TENM3: variants seen among roughly 807,000 people sequenced by gnomAD.
The protein encoded by TENM3 is teneurin-3.
A neutral mutation model predicts 255.1 loss-of-function variants in TENM3; 63 were observed. That is an observed-to-expected ratio of 0.25 (90% CI 0.20 to 0.30). TENM3 has a LOEUF of 0.30. TENM3 is among the 10% of genes least tolerant of loss of function. The pLI is 1.00. For synonymous variants in TENM3, 1,306 were observed against 1,322.3 expected, an observed-to-expected ratio of 0.99 and a Z score of 0.27; for missense variants, 2,929 against 3,461.1, an observed-to-expected ratio of 0.85 and a Z score of 3.86.
intron 1 of TENM3, among the ~76,000 whole-genome samples, chr4:182,156,361 T>G (rs876836): frequency 0.28 from 43,140 of 151,906 alleles, 6,696 homozygotes; most frequent in Admixed American, 0.38. Flanking sequence ...TTGAATAATT[T>G]CGACTTTCAT....
the TENM3 span, among the ~76,000 whole-genome samples, chr4:181,620,090 A>G: frequency 1.3e-5 from 2 of 151,932 alleles, no homozygotes; most frequent in Non-Finnish European, 2.9e-5. Context: ...GGGAGACTCC[A>G]TCTCTACAAA....
At chr4:182,709,373 T>C (rs1236184075) in intron 12 of TENM3, among the ~76,000 whole-genome samples, 2 of 152,240 alleles carry the variant, frequency 1.3e-5, no homozygotes, top group East Asian at 3.8e-4. Flanking sequence ...TTTCAACTTC[T>C]TAGTAGATTG....
chr4:182,784,011 G>A (rs559146956), intron 24 of TENM3, among the ~76,000 whole-genome samples: 26 of 151,986 alleles, frequency 1.7e-4, no homozygotes, highest in Non-Finnish European at 2.9e-4. Flanking sequence ...ATGTCCTCCC[G>A]TAGCTCAGAG....
intron 1 of TENM3, among the ~76,000 whole-genome samples, chr4:182,175,829 C>T (rs887733366): frequency 1.3e-5 from 2 of 152,132 alleles, no homozygotes; most frequent in East Asian, 1.9e-4. Flanking sequence ...GTCGTGTGCA[C>T]GTGGGTGCAT....
At chr4:182,574,267 A>T (rs1056064989) in intron 3 of TENM3, among the ~76,000 whole-genome samples, 2 of 152,090 alleles carry the variant, frequency 1.3e-5, no homozygotes, top group Non-Finnish European at 2.9e-5. Flanking sequence ...TTCTACTCTT[A>T]TCAGAACTGC....
At chr4:182,102,172 G>T in the TENM3 span, among the ~76,000 whole-genome samples, 7 of 152,280 alleles carry the variant, frequency 4.6e-5, no homozygotes, top group African/African-American at 1.7e-4. Flanking sequence ...TAAGGGAATC[G>T]CTAGGGGGTG....
chr4:182,487,199 G>A (rs1030295311), intron 3 of TENM3, among the ~76,000 whole-genome samples: 1 of 152,146 alleles, frequency 6.6e-6, no homozygotes, highest in Admixed American at 6.5e-5. Flanking sequence ...TATGACTGCT[G>A]CAAACTAGTG....
rs771440069 is a variant in TENM3, at chr4:182,800,267, A to G, written c.8016A>G (p.Val2672=). 5.6e-6 allele frequency: 9 copies of G among 1,593,368 alleles called. No individual in the cohort carries two copies. The highest frequency in any genetic ancestry group is 7.6e-6 in the Non-Finnish European group (9 of 1,178,372). The change falls in exon 28 of 28, where the codon GTA becomes GTG. Residue 2672 remains valine, a synonymous_variant. Coordinates refer to ENST00000511685, the MANE Select transcript of TENM3 (RefSeq NM_001080477.4). ...TGCAGGGCTACGACGGGTACTACGT[A>G]CTCTCGGTGGAGCAGTACCCCGAGC... The part of the protein sequence containing the change: ...GKVQGYDGYY[V]LSVEQYPELA...
At chr4:181,882,288 G>A in the TENM3 span, among the ~76,000 whole-genome samples, 2 of 152,186 alleles carry the variant, frequency 1.3e-5, no homozygotes, top group Admixed American at 1.3e-4. Flanking sequence ...CTACATGGGA[G>A]CTGGGAATTC....
At chr4:182,361,518 C>T (rs1314039486) in intron 3 of TENM3, among the ~76,000 whole-genome samples, 1 of 152,190 alleles carries the variant, frequency 6.6e-6, no homozygotes, top group Non-Finnish European at 1.5e-5. Context: ...GCATCGGCTC[C>T]TGAGGCTTCT....
intron 1 of TENM3, among the ~76,000 whole-genome samples, chr4:182,248,681 C>G (rs1757804978): frequency 6.6e-6 from 1 of 152,084 alleles, no homozygotes; most frequent in Non-Finnish European, 1.5e-5. Context: ...ACAAAGGAGA[C>G]CACGATTTTC....
chr4:181,645,556 T>G, the TENM3 span, among the ~76,000 whole-genome samples: 1 of 152,182 alleles, frequency 6.6e-6, no homozygotes, highest in African/African-American at 2.4e-5. Flanking sequence ...TGGGTTACCC[T>G]TTACTATTGT....
intron 1 of TENM3, among the ~76,000 whole-genome samples, chr4:182,271,239 C>T (rs1312580370): frequency 6.6e-6 from 1 of 152,120 alleles, no homozygotes; most frequent in Non-Finnish European, 1.5e-5. Context: ...AGGACTTATT[C>T]TTCTTTCTTG....
chr4:182,632,665 C>T (rs1193490238), intron 5 of TENM3, among the ~76,000 whole-genome samples: 2 of 152,090 alleles, frequency 1.3e-5, no homozygotes, highest in Non-Finnish European at 2.9e-5. Context: ...ATGTTATGTA[C>T]TTCTCCAATT....
the TENM3 span, among the ~76,000 whole-genome samples, chr4:181,866,912 G>A: frequency 9.9e-5 from 15 of 151,874 alleles, no homozygotes; most frequent in African/African-American, 3.4e-4. Flanking sequence ...ACTGTCCCTC[G>A]GCGATCTCAT....
chr4:182,036,660 A>G, the TENM3 span, among the ~76,000 whole-genome samples: 1 of 152,364 alleles, frequency 6.6e-6, no homozygotes, highest in Middle Eastern at 3.4e-3. Context: ...ATCTAGTGTT[A>G]TCTCTGCAGC....
At chr4:182,694,530 A>C (rs533890240) in intron 12 of TENM3, among the ~76,000 whole-genome samples, 1 of 152,332 alleles carries the variant, frequency 6.6e-6, no homozygotes, top group East Asian at 1.9e-4. Context: ...ATTTTCATGT[A>C]CTTTTAGGCA....
At chr4:181,964,608 C>T in the TENM3 span, among the ~76,000 whole-genome samples, 1 of 151,118 alleles carries the variant, frequency 6.6e-6, no homozygotes, top group Admixed American at 6.6e-5. Context: ...AAAAAATAGC[C>T]ATTCTGATCT....
At position 182,679,859 on chromosome 4, in the gene TENM3, T is replaced by A; in HGVS notation, c.1520T>A (p.Phe507Tyr). 1.2e-6 allele frequency: 2 copies of A among 1,610,790 alleles called. No individual in the cohort carries two copies. Among genetic ancestry groups the A allele is most frequent in the Non-Finnish European group, 1.7e-6 (2 of 1,178,216 alleles). ...GGGAAAAATGCAGAGCAGGTGTCTT[T>A]TAATACCATTGTTATAGGTAAGAAT... Reference protein sequence around the residue: ...NDGKNAEQVSFNTIVIESVVE... With the variant: ...NDGKNAEQVSYNTIVIESVVE... The change falls in exon 8 of 28, where the codon TTT becomes TAT. Residue 507 changes from phenylalanine to tyrosine, a missense_variant. Physicochemically the swap from Phe to Tyr is conservative, Grantham distance 22. Around this residue, in one of 6 missense-constraint regions of TENM3, gnomAD observed 1,608 missense variants for 1,884.4 expected, o/e 0.85. Transcript: ENST00000511685.
Sources: allele counts gnomAD v4.1 joint callset (sites outside exome capture counted in the v4.1 genomes callset), GRCh38; gene constraint gnomAD v4.1.1; regional missense constraint gnomAD v4.1.1; transcripts MANE v1.5; gene names NCBI Gene and HGNC (gene_info 2026-07-23, HGNC 2026-07-21).